The following TXNRD3 variants were observed in gnomAD, a reference collection of about 807,000 sequenced individuals.
TXNRD3 encodes the protein TXNRD3 neighbor gene protein.
A neutral mutation model predicts 78.2 loss-of-function variants in TXNRD3; 68 were observed. That is an observed-to-expected ratio of 0.87 (90% confidence interval 0.72 to 1.06). TXNRD3 has a LOEUF of 1.06. Among genes scored for constraint, TXNRD3 ranks in the 50% least tolerant of loss-of-function variants. The probability of loss-of-function intolerance (pLI) is 0.00; values close to 1 mark genes in which losing one functional copy is unlikely to be tolerated. For synonymous variants in TXNRD3, 296 were observed against 300.1 expected (o/e 0.99, Z 0.14); for missense variants, 751 against 809.5 (o/e 0.93, Z 0.88).
chr3:126,608,999 A>G (rs1332577450), intron 14 of TXNRD3: 1 of 251,212 alleles, frequency 4.0e-6, no homozygotes, highest in East Asian at 1.0e-4. Flanking sequence ...AGCAGGTTTT[A>G]CTGGAAATAA....
intron 14 of TXNRD3, chr3:126,609,365 C>A (rs1415813734): frequency 5.6e-6 from 1 of 178,214 alleles, no homozygotes; most frequent in African/African-American, 2.4e-5. Flanking sequence ...AACAGTCACA[C>A]GCATCCACAT....
At position 126,633,896 on chromosome 3, in the gene TXNRD3, A is replaced by G; in HGVS notation, c.855+13T>C. 1 of 1,466,150 alleles carries G rather than the reference A, an allele frequency of 6.8e-7. No homozygotes were observed. The highest frequency in any genetic ancestry group is 9.0e-7 in the Non-Finnish European group (1 of 1,114,518). The allele number at this position is 1,466,150 out of a possible 1,614,324, so 90.8% of individuals were successfully genotyped here. On this transcript the variant is annotated intron_variant, in intron 7 of 15. Coordinates refer to ENST00000524230, the MANE Select transcript of TXNRD3 (RefSeq NM_052883.3). ...AGAAAGGAGATGAACAAGACAAGAA[A>G]CTCAAGCACTACCTTTATTTTATGA...
chr3:126,632,897 G>A (rs954451604), intron 7 of TXNRD3, among the ~76,000 whole-genome samples: 4 of 152,118 alleles, frequency 2.6e-5, no homozygotes, highest in African/African-American at 9.7e-5. Flanking sequence ...GACTGGGAAT[G>A]TGCTAGCATC....
In TXNRD3 at chr3:126,654,832, C is replaced by T; in HGVS notation, c.159G>A (p.Glu53=). 3 of 1,392,644 alleles carry T rather than the reference C, an allele frequency of 2.2e-6. No homozygotes were observed. The highest frequency in any genetic ancestry group is 2.8e-6 in the Non-Finnish European group (3 of 1,076,392). The allele number at this position is 1,392,644 out of a possible 1,614,324, so 86.3% of individuals were successfully genotyped here. A position where few individuals can be genotyped will look rare whatever the true frequency, so the allele number is the denominator to read the frequency against. ...GGCCCACGAGGTGGCGGCGCAGCTCCTCGCGGGCCTCGGACGAGCGGCTGG... is the reference window on the plus strand; with the variant it reads ...GGCCCACGAGGTGGCGGCGCAGCTCTTCGCGGGCCTCGGACGAGCGGCTGG... Residue 53 remains glutamate, a synonymous_variant, in exon 1 of 16, where the codon GAG becomes GAA. Transcript: ENST00000524230.
chr3:126,608,416 T>C, intron 15 of TXNRD3, 83 bp downstream of exon 15: 3 of 1,326,314 alleles, frequency 2.3e-6, no homozygotes, highest in Non-Finnish European at 3.0e-6. Flanking sequence ...GTTACTAATA[T>C]GACATCTTTC....
At chr3:126,625,823 A>C in intron 10 of TXNRD3, 1 of 152,182 alleles carries the variant, frequency 6.6e-6, no homozygotes. Flanking sequence ...CTGTTTCCTG[A>C]CTTTTTAATG....
chr3:126,645,994 C>T, intron 3 of TXNRD3, 117 bp downstream of exon 3: 1 of 733,728 alleles, frequency 1.4e-6, no homozygotes, highest in South Asian at 2.2e-5. Flanking sequence ...ATCCTATATG[C>T]TTCATTTTAT....
chr3:126,650,996 T>G (rs923636644), intron 1 of TXNRD3, among the ~76,000 whole-genome samples: 1 of 152,198 alleles, frequency 6.6e-6, no homozygotes, highest in Admixed American at 6.5e-5. Context: ...AGACCAAGGC[T>G]TATTCATTTC....
chr3:126,638,652 T>C (rs1932974438), intron 6 of TXNRD3, among the ~76,000 whole-genome samples: 1 of 152,100 alleles, frequency 6.6e-6, no homozygotes, highest in Non-Finnish European at 1.5e-5. Flanking sequence ...GAGAATCGCT[T>C]GAACACGGGA....
chr3:126,654,874 G>A lies in TXNRD3; in HGVS notation c.117C>T (p.Arg39=). ...AGCGGCTGGGCCCGGGGGACGACAG[G>A]CGGGCACGGCGCCCCGGCGGCGACA... Residue 39 remains arginine (R), a synonymous_variant, in exon 1 of 16, where the codon CGC becomes CGT. Transcript: ENST00000524230. 1.1e-5 allele frequency: 15 copies of A among 1,331,278 alleles called. No individual in the cohort carries two copies. The highest frequency in any genetic ancestry group is 1.4e-5 in the Non-Finnish European group (15 of 1,049,254). 82.5% of individuals were successfully genotyped at this position (1,331,278 alleles called of 1,614,324 possible).
At position 126,608,491 on chromosome 3, in the gene TXNRD3, T is replaced by C; in HGVS notation, c.1863+8A>G. ...TGAAGCCAATTTTTAAAACCTCCTG[T>C]TTCCTACCTCCCCACATGTGGGGTG... On this transcript the variant is annotated splice_region_variant and intron_variant, in intron 15 of 15. Transcript: ENST00000524230. 1 of 1,524,860 alleles carries C rather than the reference T, an allele frequency of 6.6e-7. No individual in the cohort carries two copies. Among genetic ancestry groups the C allele is most frequent in the Non-Finnish European group, 8.7e-7 (1 of 1,143,006 alleles). The allele number at this position is 1,524,860 out of a possible 1,614,324, so 94.5% of individuals were successfully genotyped here.
intron 6 of TXNRD3, among the ~76,000 whole-genome samples, chr3:126,641,023 C>T (rs544846323): frequency 6.6e-6 from 1 of 152,332 alleles, no homozygotes; most frequent in African/African-American, 2.4e-5. Flanking sequence ...AGTACATCTT[C>T]CAGGACATCT....
Position 126,633,950 on chromosome 3 carries a change from C to A in TXNRD3, c.814G>T (p.Val272Phe). 6.6e-7 allele frequency: 1 copy of A among 1,516,648 alleles called. No individual in the cohort carries two copies. The allele number at this position is 1,516,648 out of a possible 1,614,324, so 93.9% of individuals were successfully genotyped here. ...TCAACAAATTCTCCATAGGAATTGA[C>A]ATAGGCCACAGCCTTTTCCCTCAGA... is the stretch of plus-strand genomic sequence containing the variant. Residue 272 changes from valine to phenylalanine, a missense_variant, in exon 7 of 16, where the codon GTC becomes TTC. Transcript: ENST00000524230.
rs1157794304 is a variant in TXNRD3 at position 126,629,464 on chromosome 3, T to C, written c.1205A>G (p.Gln402Arg). Residue 402 changes from glutamine to arginine, a missense_variant, in exon 10 of 16, where the codon CAG (glutamine) becomes CGG (arginine). Physicochemically the swap from Gln to Arg is conservative, Grantham distance 43. Coordinates refer to ENST00000524230, the MANE Select transcript of TXNRD3 (RefSeq NM_052883.3). ...CTTTCCAGGTGAACCTTTCTCCAAC[T>C]GTTGAACCTAGTAAGAATGAAGAGT... 1 of 1,534,666 alleles carries C rather than the reference T, an allele frequency of 6.5e-7. No homozygotes were observed.
rs1373079209 is a variant in TXNRD3, at chr3:126,642,026, A to G, written c.712+6T>C. ...CTCAATCTATACTTTATGAACCATTACTCACCTTGTTGATTATATTCCCAG... is the reference window on the plus strand; with the variant it reads ...CTCAATCTATACTTTATGAACCATTGCTCACCTTGTTGATTATATTCCCAG... On this transcript the variant is annotated splice_donor_region_variant and intron_variant, in intron 6 of 15. Transcript: ENST00000524230. 6.5e-7 allele frequency: 1 copy of G among 1,532,786 alleles called. No individual in the cohort carries two copies. The highest frequency in any genetic ancestry group is 2.4e-5 in the East Asian group (1 of 40,888). The allele number at this position is 1,532,786 out of a possible 1,614,324, so 94.9% of individuals were successfully genotyped here.
chr3:126,642,027 C>T lies in TXNRD3; in HGVS notation c.712+5G>A. ...TCAATCTATACTTTATGAACCATTA[C>T]TCACCTTGTTGATTATATTCCCAGC... is the stretch of plus-strand genomic sequence containing the variant. On this transcript the variant is annotated splice_donor_5th_base_variant and intron_variant, in intron 6 of 15. Coordinates refer to ENST00000524230, the MANE Select transcript of TXNRD3 (RefSeq NM_052883.3). 1 of 1,532,326 alleles carries T rather than the reference C, an allele frequency of 6.5e-7. No homozygotes were observed. The highest frequency in any genetic ancestry group is 2.4e-5 in the East Asian group (1 of 40,844). 94.9% of individuals were successfully genotyped at this position (1,532,326 alleles called of 1,614,324 possible).
Position 126,640,758 on chromosome 3 carries a change from C to A in TXNRD3, c.712+1274G>T, listed in dbSNP as rs548931338. 2.1e-4 allele frequency among the ~76,000 whole-genome samples: 32 copies of A among 152,212 alleles called. 1 individual carries two copies. In the South Asian group the frequency reaches 5.6e-3, roughly 27 times the overall value. ...AACCAGACTTCAGTCTTTGCTCAAC[C>A]CTCTGTCATTTCTTGCCCCCACTTC... On this transcript the variant is annotated intron_variant, in intron 6 of 15. Transcript: ENST00000524230.
At chr3:126,610,984 T>C in intron 14 of TXNRD3, 53 bp downstream of exon 14, 1 of 1,128,186 alleles carries the variant, frequency 8.9e-7, no homozygotes, top group South Asian at 1.8e-5. Context: ...ATACTAAAAA[T>C]AAAAGCTACA....
chr3:126,644,542 A>C (rs1933184076), intron 3 of TXNRD3, 141 bp from the exon 4 acceptor site: 2 of 638,964 alleles, frequency 3.1e-6, no homozygotes, highest in Non-Finnish European at 5.3e-6. Flanking sequence ...TTGGAGTTGT[A>C]AATTTATCTG....
Sources: gnomAD v4.1 joint callset for allele counts (sites outside exome capture counted in the v4.1 genomes callset) on GRCh38, gnomAD v4.1.1 for gene constraint, MANE v1.5 for transcripts, NCBI Gene and HGNC (gene_info 2026-07-23, HGNC 2026-07-21) for gene names.